TPSG1: variants seen among roughly 807,000 people sequenced by gnomAD.
The protein encoded by TPSG1 is tryptase gamma 1, also known as tryptase gamma.
TPSG1 carries 43 observed loss-of-function variants against 23.8 expected under a neutral mutation model. The observed-to-expected ratio is 1.81, with a 90% CI of 1.42 to 2.33. TPSG1 has a LOEUF of 2.33. Ranked by LOEUF, TPSG1 falls within the 30% of genes most tolerant of loss-of-function variation. TPSG1 has a pLI of 0.00. For synonymous variants in TPSG1, 302 were observed against 201.3 expected (o/e 1.50, Z -4.23); for missense variants, 623 against 438.6 (o/e 1.42, Z -3.75).
chr16:1,221,782 C>T lies in TPSG1; in HGVS notation c.*6G>A, dbSNP rs1428329033. 5.0e-6 allele frequency: 8 copies of T among 1,592,358 alleles called. No individual in the cohort carries two copies. Among genetic ancestry groups the T allele is most frequent in the Non-Finnish European group, 6.8e-6 (8 of 1,168,160 alleles). On this transcript the variant is annotated 3_prime_UTR_variant, in exon 6 of 6. Transcript: ENST00000234798. ...TTATTTAAGAAATGCACTTGGATTC[C>T]TGCCATCAGTCAGGGGCGGGGAAGG... is the stretch of plus-strand genomic sequence containing the variant.
intron 1 of TPSG1, 130 bp downstream of exon 1, chr16:1,225,077 C>T (rs1389006901): frequency 8.9e-7 from 1 of 1,119,794 alleles, no homozygotes; most frequent in Non-Finnish European, 1.3e-6. Context: ...TCAGAGGAGA[C>T]ACGGGGCCCC....
At chr16:1,223,688 T>A (rs924482350) in intron 2 of TPSG1, 94 bp from the exon 3 acceptor site, 10 of 1,411,388 alleles carry the variant, frequency 7.1e-6, no homozygotes, top group African/African-American at 1.5e-5. Flanking sequence ...CTCCCTGCCT[T>A]CTTGGGGACT....
Position 1,222,646 on chromosome 16 carries a change from C to T in TPSG1, c.511+6G>A, listed in dbSNP as rs1434150461. On this transcript the variant is annotated splice_donor_region_variant and intron_variant, in intron 4 of 5. Transcript: ENST00000234798. ...CCATCCCAGCATCCCCACGGGGGCTCCTCACCTCCCTCCCGCGTATAGCCC... is the reference window on the plus strand; with the variant it reads ...CCATCCCAGCATCCCCACGGGGGCTTCTCACCTCCCTCCCGCGTATAGCCC... The T allele has an allele frequency of 1.9e-6, 3 of 1,539,512 alleles. No individual in the cohort carries two copies. The highest frequency in any genetic ancestry group is 2.6e-6 in the Non-Finnish European group (3 of 1,138,432).
rs753322969 is a variant in TPSG1, at chr16:1,222,695, C to G, written c.468G>C (p.Gly156=). Residue 156 remains glycine (G), a synonymous_variant, in exon 4 of 6, where the codon GGG becomes GGC. Coordinates refer to ENST00000234798, the MANE Select transcript of TPSG1 (RefSeq NM_012467.4). ...LPEASDDFCP[G]IRCWVTGWGY... ...CCCAGCCGGTCACCCAGCACCGGAT[C>G]CCAGGGCAGAAGTCATCTGAGGCCT... The G allele has an allele frequency of 6.3e-7, 1 of 1,594,460 alleles. No homozygotes were observed.
Position 1,222,347 on chromosome 16 carries a change from G to A in TPSG1, c.512-6C>T. 4 of 1,585,362 alleles carry A rather than the reference G, an allele frequency of 2.5e-6. No individual in the cohort carries two copies. The highest frequency in any genetic ancestry group is 2.1e-4 in the Middle Eastern group (1 of 4,780). ...GTACGGGGGTGGCAGAGGCTCTGGG[G>A]TGGGGGGAACAGGCTTCAGAGAAGG... is the stretch of plus-strand genomic sequence containing the variant. On this transcript the variant is annotated splice_polypyrimidine_tract_variant and splice_region_variant and intron_variant, in intron 4 of 5. Coordinates refer to ENST00000234798, the MANE Select transcript of TPSG1 (RefSeq NM_012467.4).
intron 2 of TPSG1, 22 bp downstream of exon 2, chr16:1,224,580 C>T (rs1221079035): frequency 6.8e-6 from 11 of 1,613,706 alleles, no homozygotes; most frequent in African/African-American, 4.0e-5. Flanking sequence ...TCCCCCACAC[C>T]CCACACCTGT....
chr16:1,223,713 T>G, intron 2 of TPSG1, 119 bp from the exon 3 acceptor site: 1 of 1,230,686 alleles, frequency 8.1e-7, no homozygotes, highest in Non-Finnish European at 1.1e-6. Flanking sequence ...TCTTCAGCTC[T>G]CTCGTCTGCC....
At position 1,222,911 on chromosome 16, in the gene TPSG1, C is replaced by T. The variant is rs755836574; in HGVS notation, c.252G>A (p.Leu84=). The change falls in exon 4 of 6, where the codon CTG becomes CTA. Residue 84 remains leucine, a synonymous_variant. Transcript: ENST00000234798. Reference sequence around the variant, plus strand: ...GGTGCACCTGGTAGTCGGATGAGTTCAGGGACCTGGGAGGGAAGGTGGCTG... The same window carrying T: ...GGTGCACCTGGTAGTCGGATGAGTTTAGGGACCTGGGAGGGAAGGTGGCTG... The part of the protein sequence containing the change: ...LTAAHCFSGS[L]NSSDYQVHLG... 4.4e-6 allele frequency: 7 copies of T among 1,598,148 alleles called. No homozygotes were observed. Among genetic ancestry groups the T allele is most frequent in the South Asian group, 1.1e-5 (1 of 89,558 alleles).
intron 3 of TPSG1, 98 bp downstream of exon 3, chr16:1,223,325 C>T (rs2029932754): frequency 8.6e-6 from 12 of 1,390,818 alleles, no homozygotes; most frequent in Non-Finnish European, 1.1e-5. Flanking sequence ...AGTTCCCAAG[C>T]CTCGGAGTGA....
intron 1 of TPSG1, 108 bp from the exon 2 acceptor site, chr16:1,224,736 G>A: frequency 7.0e-7 from 1 of 1,431,754 alleles, no homozygotes; most frequent in Admixed American, 1.8e-5. Context: ...GTGGGGCCTG[G>A]TCCTGAGCAG....
In TPSG1 at chr16:1,222,904, A is replaced by T; in HGVS notation, c.259T>A (p.Ser87Thr). ...AHCFSGSLNS[S>T]DYQVHLGELE... Reference sequence around the variant, plus strand: ...TCCCCCAGGTGCACCTGGTAGTCGGATGAGTTCAGGGACCTGGGAGGGAAG... The same window carrying T: ...TCCCCCAGGTGCACCTGGTAGTCGGTTGAGTTCAGGGACCTGGGAGGGAAG... Residue 87 changes from serine to threonine, a missense_variant, in exon 4 of 6, where the codon TCC becomes ACC. Ser to Thr is a moderately conservative substitution (Grantham distance 58). Coordinates refer to ENST00000234798, the MANE Select transcript of TPSG1 (RefSeq NM_012467.4). 2.5e-6 allele frequency: 4 copies of T among 1,607,030 alleles called. No individual in the cohort carries two copies. Among genetic ancestry groups the T allele is most frequent in the Non-Finnish European group, 3.4e-6 (4 of 1,177,328 alleles).
At chr16:1,223,752 A>G (rs1404521397) in intron 2 of TPSG1, 158 bp from the exon 3 acceptor site, 39 of 874,110 alleles carry the variant, frequency 4.5e-5, no homozygotes, top group Non-Finnish European at 6.5e-5. Context: ...TCGTGGGTGC[A>G]GCAGAAATGA....
chr16:1,224,447 C>G (rs1173028756), intron 2 of TPSG1, among the ~76,000 whole-genome samples, 155 bp downstream of exon 2: 2 of 152,140 alleles, frequency 1.3e-5, no homozygotes, highest in Non-Finnish European at 2.9e-5. Flanking sequence ...CCGACCAGCC[C>G]CACTCAACCG....
intron 1 of TPSG1, 57 bp from the exon 2 acceptor site, chr16:1,224,685 G>C: frequency 6.2e-7 from 1 of 1,610,130 alleles, no homozygotes; most frequent in South Asian, 1.1e-5. Context: ...AGGGGTGTGC[G>C]GGCTCCAGAG....
chr16:1,222,349 G>A lies in TPSG1; in HGVS notation c.512-8C>T, dbSNP rs201032433. ...ACGGGGGTGGCAGAGGCTCTGGGGTGGGGGGAACAGGCTTCAGAGAAGGTT... is the reference window on the plus strand; with the variant it reads ...ACGGGGGTGGCAGAGGCTCTGGGGTAGGGGGAACAGGCTTCAGAGAAGGTT... On this transcript the variant is annotated splice_polypyrimidine_tract_variant and splice_region_variant and intron_variant, in intron 4 of 5. Transcript: ENST00000234798. 2,635 of 1,578,792 alleles carry A rather than the reference G, an allele frequency of 1.7e-3. 5 individuals are homozygous for A. Among genetic ancestry groups the A allele is most frequent in the Non-Finnish European group, 1.9e-3 (2,249 of 1,160,704 alleles).
In TPSG1 at chr16:1,222,791, C is replaced by G; in HGVS notation, c.372G>C (p.Gly124=). 1 of 1,612,242 alleles carries G rather than the reference C, an allele frequency of 6.2e-7. No homozygotes were observed. The highest frequency in any genetic ancestry group is 1.1e-5 in the South Asian group (1 of 91,018). The change falls in exon 4 of 6, where the codon GGG becomes GGC. Residue 124 remains glycine (G), a synonymous_variant. Transcript: ENST00000234798. ...SSPSGQPGTS[G]DIALVELSVP... ...CACTGAGCTCCACCAGGGCGATGTC[C>G]CCGCTGGTCCCCGGCTGTCCTGAGG...
At chr16:1,222,992 T>C (rs564905746) in intron 3 of TPSG1, 75 bp from the exon 4 acceptor site, 157 of 1,469,822 alleles carry the variant, frequency 1.1e-4, no homozygotes, top group Middle Eastern at 5.0e-4. Flanking sequence ...GCCCAGACCC[T>C]ACCCTTGCAG....
chr16:1,223,434 G>A lies in TPSG1; in HGVS notation c.234C>T (p.His78=), dbSNP rs770585600. The A allele has an allele frequency of 5.7e-6, 9 of 1,585,920 alleles. No individual in the cohort carries two copies. The highest frequency in any genetic ancestry group is 6.8e-6 in the Non-Finnish European group (8 of 1,168,446). Residue 78 remains histidine (H), a synonymous_variant, in exon 3 of 6, where the codon CAC becomes CAT. Transcript: ENST00000234798. The stretch of plus-strand genomic sequence containing the variant: ...ACCCGGACACTCACCCGGAGAAGCA[G>A]TGGGCAGCTGTGAGCACCCACTGGG... ...LSPQWVLTAA[H]CFSGSLNSSD...
intron 3 of TPSG1, among the ~76,000 whole-genome samples, chr16:1,223,197 C>T (rs758939642): frequency 2.0e-5 from 3 of 152,136 alleles, no homozygotes; most frequent in East Asian, 1.9e-4. Context: ...GTGAAGAGAC[C>T]GAGGGGAGGG....
Sources: gnomAD v4.1 joint callset for allele counts (sites outside exome capture counted in the v4.1 genomes callset) on GRCh38, gnomAD v4.1.1 for gene constraint, MANE v1.5 for transcripts, NCBI Gene and HGNC (gene_info 2026-07-23, HGNC 2026-07-21) for gene names.